The following IMPA1 variants were observed in gnomAD, a reference collection of about 807,000 sequenced individuals.
The protein encoded by IMPA1 is D-galactose 1-phosphate phosphatase.
In IMPA1, 21 loss-of-function variants were observed where a neutral mutation model predicts 34.9. The observed-to-expected ratio is 0.60, with a 90% CI of 0.43 to 0.87. The LOEUF (loss-of-function observed/expected upper bound fraction) is 0.87. Among genes scored for constraint, IMPA1 ranks in the 40% least tolerant of loss-of-function variants. The probability of loss-of-function intolerance (pLI) is 0.00; values close to 1 mark genes in which losing one functional copy is unlikely to be tolerated. For missense variants in IMPA1, 299 were observed against 336.4 expected (o/e 0.89, Z 0.87); for synonymous variants, 95 against 104.4 (o/e 0.91, Z 0.55).
chr8:81,662,041 G>A, intron 7 of IMPA1, among the ~76,000 whole-genome samples: 1 of 152,222 alleles, frequency 6.6e-6, no homozygotes, highest in Non-Finnish European at 1.5e-5. Flanking sequence ...CATCCTTTAT[G>A]CCAAATAAAT....
rs771811787 is a variant in IMPA1, at chr8:81,659,328, G to A, written c.*23C>T. 1.5e-5 allele frequency: 20 copies of A among 1,311,218 alleles called. No homozygotes were observed. The South Asian group carries it at 1.9e-4, about 12-fold the overall frequency. The allele number at this position is 1,311,218 out of a possible 1,614,324, so 81.2% of individuals were successfully genotyped here. A position where few individuals can be genotyped will look rare whatever the true frequency, so the allele number is the denominator to read the frequency against. On this transcript the variant is annotated 3_prime_UTR_variant, in exon 9 of 9. Transcript: ENST00000256108. ...ACCAAATCTGGGGAAAAGCAACTGG[G>A]ATTGACTATGAGGCTGCCTTAATTA...
chr8:81,685,410 G>T (rs1164964027), intron 1 of IMPA1, among the ~76,000 whole-genome samples: 2 of 138,198 alleles, frequency 1.4e-5, no homozygotes, highest in African/African-American at 2.6e-5. Flanking sequence ...GTATATTTAG[G>T]TACTATATAT....
intron 1 of IMPA1, among the ~76,000 whole-genome samples, chr8:81,685,224 TA>T (rs1379761420): frequency 1.6e-5 from 2 of 126,100 alleles, no homozygotes; most frequent in African/African-American, 6.4e-5. Flanking sequence ...ATACTATACA[TA>T]AGTATATTTA....
intron 7 of IMPA1, among the ~76,000 whole-genome samples, chr8:81,664,860 AG>A (rs753259356): frequency 1.1e-4 from 16 of 151,898 alleles, no homozygotes; most frequent in Non-Finnish European, 2.2e-4. Context: ...TAAAACTTAA[AG>A]TATAATAATA....
At chr8:81,678,264 C>T (rs1027309972) in intron 4 of IMPA1, among the ~76,000 whole-genome samples, 1 of 152,032 alleles carries the variant, frequency 6.6e-6, no homozygotes, top group Non-Finnish European at 1.5e-5. Flanking sequence ...ACTTTTTAAC[C>T]GTGTTTTTTC....
chr8:81,660,481 T>A, intron 8 of IMPA1, 35 bp downstream of exon 8: 1 of 1,589,260 alleles, frequency 6.3e-7, no homozygotes, highest in Non-Finnish European at 8.6e-7. Context: ...GTCCAACAGA[T>A]GTGTGGAGAT....
chr8:81,665,099 AC>A (rs1243583353), intron 7 of IMPA1, among the ~76,000 whole-genome samples: 2 of 152,122 alleles, frequency 1.3e-5, no homozygotes, highest in Non-Finnish European at 2.9e-5. Flanking sequence ...TTCACACAAA[AC>A]TACTGCAAAA....
intron 3 of IMPA1, among the ~76,000 whole-genome samples, 196 bp downstream of exon 3, chr8:81,680,454 C>G (rs1362711975): frequency 6.6e-6 from 1 of 152,230 alleles, no homozygotes. Context: ...GAACTGACAT[C>G]TGCCAACAAT....
chr8:81,666,497 A>T (rs1228284888), intron 7 of IMPA1, among the ~76,000 whole-genome samples: 6 of 152,378 alleles, frequency 3.9e-5, no homozygotes, highest in African/African-American at 1.4e-4. Context: ...AATGCTGTAT[A>T]TGACAGGCAC....
At position 81,681,537 on chromosome 8, in the gene IMPA1, G is replaced by A. The variant is rs747918995; in HGVS notation, c.24C>T (p.Cys8=). The change falls in exon 2 of 9, where the codon TGC becomes TGT. Residue 8 remains cysteine (C), a synonymous_variant. Coordinates refer to ENST00000256108, the MANE Select transcript of IMPA1 (RefSeq NM_005536.4). The stretch of plus-strand genomic sequence containing the variant: ...TTGCTAGAGTTACTGCATAATCCAT[G>A]CATTCCTGCCAAGGATCAGCCATCT... The part of the protein sequence containing the change: MADPWQE[C]MDYAVTLARQ... 6.2e-7 allele frequency: 1 copy of A among 1,608,128 alleles called. No individual in the cohort carries two copies. The highest frequency in any genetic ancestry group is 8.5e-7 in the Non-Finnish European group (1 of 1,175,136).
chr8:81,682,404 A>G (rs1225030692), intron 1 of IMPA1, among the ~76,000 whole-genome samples: 1 of 152,196 alleles, frequency 6.6e-6, no homozygotes, highest in African/African-American at 2.4e-5. Flanking sequence ...ATAGAAAATA[A>G]TAGACACAGA....
intron 7 of IMPA1, among the ~76,000 whole-genome samples, chr8:81,668,273 A>T (rs1806891944): frequency 1.3e-5 from 2 of 152,224 alleles, no homozygotes; most frequent in South Asian, 4.1e-4. Context: ...TAATTTAAAG[A>T]CAAATGAATA....
chr8:81,684,783 T>C (rs1162068871), intron 1 of IMPA1, among the ~76,000 whole-genome samples: 1 of 143,514 alleles, frequency 7.0e-6, no homozygotes, highest in African/African-American at 2.5e-5. Context: ...GTATATATAC[T>C]ACACATAAGT....
intron 7 of IMPA1, 41 bp downstream of exon 7, chr8:81,670,898 C>T (rs769613355): frequency 1.2e-4 from 125 of 1,011,712 alleles, no homozygotes; most frequent in Non-Finnish European, 1.8e-4. Context: ...CACACACACA[C>T]GTATACAAAG....
intron 5 of IMPA1, chr8:81,674,771 C>T (rs1373607947): frequency 2.2e-6 from 1 of 454,396 alleles, no homozygotes; most frequent in African/African-American, 2.0e-5. Flanking sequence ...TTTTACAGTC[C>T]ACAAATTCAT....
chr8:81,664,686 T>G (rs1433378176), intron 7 of IMPA1, among the ~76,000 whole-genome samples: 1 of 151,372 alleles, frequency 6.6e-6, no homozygotes, highest in Non-Finnish European at 1.5e-5. Flanking sequence ...ATGGTACTCC[T>G]TGGAAACAAG....
At chr8:81,667,047 G>T (rs1338209207) in intron 7 of IMPA1, among the ~76,000 whole-genome samples, 1 of 151,920 alleles carries the variant, frequency 6.6e-6, no homozygotes, top group East Asian at 1.9e-4. Context: ...TAAAAGAGTT[G>T]CAAGGAGAAA....
At chr8:81,670,825 C>G (rs1160490168) in intron 7 of IMPA1, 114 bp downstream of exon 7, 1 of 554,060 alleles carries the variant, frequency 1.8e-6, no homozygotes, top group Non-Finnish European at 3.2e-6. Context: ...TCTCCCTATT[C>G]TTTAGAAACC....
At chr8:81,685,015 G>A (rs62643688) in intron 1 of IMPA1, among the ~76,000 whole-genome samples, 14,812 of 123,624 alleles carry the variant, frequency 0.12, 1,494 homozygotes, top group East Asian at 0.56. Context: ...TATACTATAC[G>A]TAAGTATATT....
Sources: allele counts gnomAD v4.1 joint callset (sites outside exome capture counted in the v4.1 genomes callset), GRCh38; gene constraint gnomAD v4.1.1; transcripts MANE v1.5; gene names NCBI Gene and HGNC (gene_info 2026-07-23, HGNC 2026-07-21).